TRIM4: variants seen among roughly 807,000 people sequenced by gnomAD.
TRIM4 encodes tripartite motif containing 4.
A neutral mutation model predicts 33.7 loss-of-function variants in TRIM4; 29 were observed. The observed-to-expected ratio is 0.86, with a 90% CI of 0.64 to 1.17. The LOEUF (loss-of-function observed/expected upper bound fraction) is 1.17, where lower values mean the gene tolerates loss of function less well. TRIM4 is among the 50% of genes most tolerant of loss of function. TRIM4 has a pLI of 0.00. For missense variants in TRIM4, 554 were observed against 593.7 expected (o/e 0.93, Z 0.69); for synonymous variants, 224 against 233.0 (o/e 0.96, Z 0.35).
chr7:99,894,312 A>T (rs1818962769), intron 5 of TRIM4, among the ~76,000 whole-genome samples: 1 of 152,200 alleles, frequency 6.6e-6, no homozygotes. Context: ...AATTTTCAAT[A>T]GGAGTTCTTG....
rs1818898740 is a variant in TRIM4 at position 99,891,872 on chromosome 7, A to G, written c.*291T>C. 1 of 307,218 alleles carries G rather than the reference A, an allele frequency of 3.3e-6. No homozygotes were observed. The highest frequency in any genetic ancestry group is 6.0e-6 in the Non-Finnish European group (1 of 166,012). 19.0% of individuals were successfully genotyped at this position (307,218 alleles called of 1,614,324 possible). On this transcript the variant is annotated 3_prime_UTR_variant, in exon 6 of 6. Transcript: ENST00000349062. Reference sequence around the variant, plus strand: ...CACCATTCCTGTGTTCTCAGTTCCAATATGGCTGCTAACATCCATATGTCT... The same window carrying G: ...CACCATTCCTGTGTTCTCAGTTCCAGTATGGCTGCTAACATCCATATGTCT...
chr7:99,917,572 AG>A (rs1250857505), intron 1 of TRIM4, among the ~76,000 whole-genome samples: 1 of 152,134 alleles, frequency 6.6e-6, no homozygotes, highest in Non-Finnish European at 1.5e-5. Flanking sequence ...ATACAAAATT[AG>A]CTGGGCATGC....
intron 3 of TRIM4, among the ~76,000 whole-genome samples, chr7:99,904,319 T>C (rs1207232796): frequency 1.3e-5 from 2 of 152,032 alleles, no homozygotes; most frequent in South Asian, 2.1e-4. Flanking sequence ...CAAATTCCAA[T>C]AGGGGAGCAT....
intron 5 of TRIM4, among the ~76,000 whole-genome samples, chr7:99,902,959 G>A (rs1819209325): frequency 6.6e-6 from 1 of 152,018 alleles, no homozygotes. Context: ...ATATCACTGT[G>A]AGTGCTGTGT....
intron 5 of TRIM4, among the ~76,000 whole-genome samples, chr7:99,894,939 AGTAAT>A (rs1046980668): frequency 3.9e-5 from 6 of 152,150 alleles, no homozygotes; most frequent in African/African-American, 9.7e-5. Context: ...TTCTGACATT[AGTAAT>A]GTGTGTTTTC....
At chr7:99,908,455 A>G in intron 3 of TRIM4, 127 bp downstream of exon 3, 2 of 749,078 alleles carry the variant, frequency 2.7e-6, no homozygotes, top group South Asian at 3.8e-5. Flanking sequence ...GTTATGTGAC[A>G]GCACAGAACT....
rs1301748050 is a variant in TRIM4, at chr7:99,892,022, G to A, written c.*141C>T. On this transcript the variant is annotated 3_prime_UTR_variant, in exon 6 of 6. Coordinates refer to ENST00000349062, the MANE Select transcript of TRIM4 (RefSeq NM_033091.3). ...CTGCCTCTTGTGAAGCACACAAAGG[G>A]CAGATACCAAACGGTACCGTTAGGG... 2.7e-6 allele frequency: 2 copies of A among 741,546 alleles called. No homozygotes were observed. Among genetic ancestry groups the A allele is most frequent in the Non-Finnish European group, 4.3e-6 (2 of 470,324 alleles). 45.9% of individuals were successfully genotyped at this position (741,546 alleles called of 1,614,324 possible). A position where few individuals can be genotyped will look rare whatever the true frequency, so the allele number is the denominator to read the frequency against.
At chr7:99,914,964 C>T (rs538178285) in intron 1 of TRIM4, among the ~76,000 whole-genome samples, 1 of 152,072 alleles carries the variant, frequency 6.6e-6, no homozygotes, top group South Asian at 2.1e-4. Context: ...TGCCCACCGC[C>T]GCACCTAGCT....
intron 1 of TRIM4, among the ~76,000 whole-genome samples, chr7:99,912,191 T>C (rs1024394773): frequency 6.6e-6 from 1 of 152,208 alleles, no homozygotes; most frequent in Non-Finnish European, 1.5e-5. Flanking sequence ...GCTCAGCAAA[T>C]GTACAACTAA....
chr7:99,915,498 A>T (rs912692800), intron 1 of TRIM4, among the ~76,000 whole-genome samples: 4 of 152,106 alleles, frequency 2.6e-5, no homozygotes, highest in African/African-American at 9.7e-5. Flanking sequence ...TAGGATGGGG[A>T]TATTTTCCAT....
chr7:99,916,801 T>A (rs1426572514), intron 1 of TRIM4: 6 of 780,408 alleles, frequency 7.7e-6, no homozygotes, highest in African/African-American at 1.7e-5. Context: ...AAAACGATCA[T>A]ATCATTCCCT....
chr7:99,916,759 G>A (rs755129720), intron 1 of TRIM4: 24 of 780,794 alleles, frequency 3.1e-5, no homozygotes, highest in East Asian at 9.7e-5. Context: ...ATTCATCCAC[G>A]TGGATGTCAA....
At chr7:99,918,956 T>C in intron 1 of TRIM4, 53 bp downstream of exon 1, 2 of 1,532,804 alleles carry the variant, frequency 1.3e-6, no homozygotes, top group East Asian at 2.6e-5. Flanking sequence ...TTAAGTAAAC[T>C]TTATCGGGCA....
Position 99,919,374 on chromosome 7 carries a change from A to G in TRIM4, c.28T>C (p.Leu10=), listed in dbSNP as rs770148766. ...TAGTCCAGGCAGATGGGGCAGGTCA[A>G]CTCCTCCTGGATGTCCTCAGCTTCC... MEAEDIQEE[L]TCPICLDYFQ... is the part of the protein sequence containing the mutation. Residue 10 remains leucine (L), a synonymous_variant, in exon 1 of 6, where the codon TTG becomes CTG. Transcript: ENST00000349062. 14 of 1,574,786 alleles carry G rather than the reference A, an allele frequency of 8.9e-6. No individual in the cohort carries two copies. The highest frequency in any genetic ancestry group is 1.2e-5 in the Non-Finnish European group (14 of 1,162,436).
At chr7:99,903,554 A>G (rs755367258) in intron 4 of TRIM4, 22 bp downstream of exon 4, 4 of 1,614,164 alleles carry the variant, frequency 2.5e-6, no homozygotes, top group South Asian at 1.1e-5. Context: ...CCAGGTCCCC[A>G]TAAGAGAACA....
At chr7:99,909,502 A>C in intron 2 of TRIM4, 63 bp downstream of exon 2, 1 of 1,470,676 alleles carries the variant, frequency 6.8e-7, no homozygotes, top group Non-Finnish European at 9.5e-7. Flanking sequence ...CCTCAGAAGC[A>C]AGAAATGTCC....
rs777100871 is a variant in TRIM4 at position 99,892,582 on chromosome 7, T to C, written c.1006A>G (p.Arg336Gly). ...RNPQKTAFVE[R>G]FQHLPCVLGK... ...AGAACACAGGGTAAGTGCTGAAATCTCTCTACAAAAGCAGTCTTCTGAGGA... is the reference window on the plus strand; with the variant it reads ...AGAACACAGGGTAAGTGCTGAAATCCCTCTACAAAAGCAGTCTTCTGAGGA... The change falls in exon 6 of 6, where the codon AGA (arginine) becomes GGA (glycine). Residue 336 changes from arginine to glycine, a missense_variant. Transcript: ENST00000349062. 6.2e-6 allele frequency: 10 copies of C among 1,614,174 alleles called. No individual in the cohort carries two copies. Among genetic ancestry groups the C allele is most frequent in the Non-Finnish European group, 7.6e-6 (9 of 1,180,038 alleles).
At chr7:99,895,377 T>G (rs1335257955) in intron 5 of TRIM4, among the ~76,000 whole-genome samples, 1 of 152,240 alleles carries the variant, frequency 6.6e-6, no homozygotes, top group Non-Finnish European at 1.5e-5. Flanking sequence ...AAGGATATTT[T>G]GATACTGATT....
At chr7:99,918,516 G>GA (rs1460747920) in intron 1 of TRIM4, among the ~76,000 whole-genome samples, 1 of 150,762 alleles carries the variant, frequency 6.6e-6, no homozygotes, top group Non-Finnish European at 1.5e-5. Flanking sequence ...AGTGAGCCAA[G>GA]ATCACGCCAC....
Sources: gnomAD v4.1 joint callset for allele counts (sites outside exome capture counted in the v4.1 genomes callset) on GRCh38, gnomAD v4.1.1 for gene constraint, MANE v1.5 for transcripts, NCBI Gene and HGNC (gene_info 2026-07-23, HGNC 2026-07-21) for gene names.